The following ATAD1 variants were observed in gnomAD, a reference collection of about 807,000 sequenced individuals.
ATAD1 encodes the protein ATPase family AAA domain containing 1.
In ATAD1, 18 loss-of-function variants were observed where a neutral mutation model predicts 42.7. That is an observed-to-expected ratio of 0.42 (90% confidence interval 0.29 to 0.63). The LOEUF is 0.63. Ranked by LOEUF, ATAD1 falls within the 20% of genes least tolerant of loss-of-function variation. The pLI, the probability that ATAD1 is intolerant of heterozygous loss-of-function variation, is 0.19. For missense variants in ATAD1, 294 were observed against 440.4 expected (o/e 0.67, Z 2.98); for synonymous variants, 132 against 143.1 (o/e 0.92, Z 0.55).
chr10:87,782,693 A>G (rs1373739581), intron 5 of ATAD1, among the ~76,000 whole-genome samples: 1 of 152,212 alleles, frequency 6.6e-6, no homozygotes, highest in East Asian at 1.9e-4. Context: ...AGACTGGTAA[A>G]TTAAAAGCAA....
chr10:87,798,201 C>T (rs182947067), intron 2 of ATAD1, among the ~76,000 whole-genome samples: 61 of 152,316 alleles, frequency 4.0e-4, no homozygotes, highest in African/African-American at 1.3e-3. Flanking sequence ...TGGTGACACA[C>T]TGTGGAGTCC....
intron 1 of ATAD1, among the ~76,000 whole-genome samples, chr10:87,827,905 TCAGA>T (rs1857758108): frequency 6.6e-6 from 1 of 152,122 alleles, no homozygotes; most frequent in African/African-American, 2.4e-5. Flanking sequence ...GCCTCTTGAG[TCAGA>T]CAATTAGCCA....
chr10:87,768,537 T>G (rs1854875112), intron 7 of ATAD1, among the ~76,000 whole-genome samples: 1 of 152,202 alleles, frequency 6.6e-6, no homozygotes, highest in Non-Finnish European at 1.5e-5. Flanking sequence ...GAGAAAAGTT[T>G]TAAGATTAAC....
intron 2 of ATAD1, among the ~76,000 whole-genome samples, chr10:87,796,374 A>ACTGC (rs1178069484): frequency 4.6e-5 from 7 of 152,204 alleles, no homozygotes; most frequent in Non-Finnish European, 7.3e-5. Context: ...TGTATATCTT[A>ACTGC]CTGCCTCCTT....
chr10:87,819,279 AAAAAAAAAAAAAC>A (rs1857574677), upstream of ATAD1: 2 of 150,088 alleles, frequency 1.3e-5, no homozygotes, highest in African/African-American at 4.9e-5. Flanking sequence ...AAAAAAAAAA[AAAAAAAAAAAAAC>A]CACCTAAAAA....
At chr10:87,796,994 C>G (rs1856423718) in intron 2 of ATAD1, among the ~76,000 whole-genome samples, 1 of 152,146 alleles carries the variant, frequency 6.6e-6, no homozygotes, top group Non-Finnish European at 1.5e-5. Context: ...AGAGTTTGAG[C>G]TCACTCCTAG....
At chr10:87,780,022 T>C (rs371591015) in intron 5 of ATAD1, among the ~76,000 whole-genome samples, 108 of 152,330 alleles carry the variant, frequency 7.1e-4, no homozygotes, top group African/African-American at 2.5e-3. Context: ...AACCTACACA[T>C]GATGCTGTCA....
In ATAD1 at chr10:87,753,169, A is replaced by T. The variant is rs1564734272; in HGVS notation, c.*1518T>A. On this transcript the variant is annotated 3_prime_UTR_variant, in exon 10 of 10. Transcript: ENST00000680024. ...TATAAAATAATAGAATATAGTTATTAAAAATGGGACACTTTTTTTCATTTT... is the reference window on the plus strand; with the variant it reads ...TATAAAATAATAGAATATAGTTATTTAAAATGGGACACTTTTTTTCATTTT... The T allele has an allele frequency of 6.6e-6, 1 of 152,162 alleles. No homozygotes were observed. Among genetic ancestry groups the T allele is most frequent in the Non-Finnish European group, 1.5e-5 (1 of 68,000 alleles). 9.4% of individuals were successfully genotyped at this position (152,162 alleles called of 1,614,324 possible).
At chr10:87,834,657 T>G (rs1857898433) in intron 1 of ATAD1, among the ~76,000 whole-genome samples, 1 of 152,108 alleles carries the variant, frequency 6.6e-6, no homozygotes, top group African/African-American at 2.4e-5. Context: ...AAATTGTGTC[T>G]TTTCTTCGTA....
chr10:87,778,157 G>A (rs1474632960), intron 5 of ATAD1, among the ~76,000 whole-genome samples: 1 of 119,102 alleles, frequency 8.4e-6, no homozygotes, highest in Admixed American at 9.8e-5. Flanking sequence ...CCAAATACAT[G>A]ACTAAGATAT....
At chr10:87,795,091 T>C (rs909195536) in intron 2 of ATAD1, among the ~76,000 whole-genome samples, 1 of 152,170 alleles carries the variant, frequency 6.6e-6, no homozygotes, top group Admixed American at 6.5e-5. Context: ...ATGAGGAATT[T>C]ACAGGTCAGA....
chr10:87,772,619 T>C (rs771396523), intron 6 of ATAD1, among the ~76,000 whole-genome samples: 14 of 151,914 alleles, frequency 9.2e-5, no homozygotes, highest in East Asian at 1.9e-4. Context: ...TGAAGAAACA[T>C]AGGACAAAGC....
rs1387089116 is a variant in ATAD1 at position 87,771,117 on chromosome 10, GT to G, written c.691-77del. ...CTGAGAATGTTATTACTAGGGCTTA[GT>G]TTTAAAAATTAAGTGGTATTTTAAC... On this transcript the variant is annotated intron_variant, in intron 6 of 9. Coordinates refer to ENST00000680024, the MANE Select transcript of ATAD1 (RefSeq NM_001321967.2). The G allele has an allele frequency of 2.7e-6, 3 of 1,121,466 alleles. No homozygotes were observed. The African/African-American group carries it at 4.7e-5, about 18-fold the overall frequency. 69.5% of individuals were successfully genotyped at this position (1,121,466 alleles called of 1,614,324 possible). A position where few individuals can be genotyped will look rare whatever the true frequency, so the allele number is the denominator to read the frequency against.
At chr10:87,838,314 GTCAGGAGT>G (rs1057228839) in intron 1 of ATAD1, among the ~76,000 whole-genome samples, 3 of 151,982 alleles carry the variant, frequency 2.0e-5, no homozygotes, top group Non-Finnish European at 4.4e-5. Flanking sequence ...ATCACCTGAG[GTCAGGAGT>G]TCAAGACCAG....
intron 1 of ATAD1, among the ~76,000 whole-genome samples, chr10:87,825,047 T>C (rs1857700035): frequency 6.6e-6 from 1 of 152,230 alleles, no homozygotes; most frequent in African/African-American, 2.4e-5. Context: ...TTATTGAGTA[T>C]ACATTCTTTG....
intron 6 of ATAD1, among the ~76,000 whole-genome samples, chr10:87,773,194 ATTTT>A (rs1045784339): frequency 4.6e-5 from 7 of 152,150 alleles, no homozygotes; most frequent in Admixed American, 6.5e-5. Flanking sequence ...ACAAAACATA[ATTTT>A]TTTATCATTT....
chr10:87,791,244 A>C (rs947493544), intron 3 of ATAD1, among the ~76,000 whole-genome samples: 1 of 151,662 alleles, frequency 6.6e-6, no homozygotes. Flanking sequence ...TTAAAACTTA[A>C]GGAAGTATCT....
At chr10:87,776,008 G>A (rs961883002) in intron 6 of ATAD1, among the ~76,000 whole-genome samples, 2 of 152,068 alleles carry the variant, frequency 1.3e-5, no homozygotes, top group African/African-American at 2.4e-5. Flanking sequence ...CAATACCCAC[G>A]GACACTAGTC....
At chr10:87,835,516 T>C (rs1857914409) in intron 1 of ATAD1, among the ~76,000 whole-genome samples, 1 of 152,196 alleles carries the variant, frequency 6.6e-6, no homozygotes, top group African/African-American at 2.4e-5. Context: ...TATATTTTTC[T>C]ATTTTTAACA....
Sources: allele counts gnomAD v4.1 joint callset (sites outside exome capture counted in the v4.1 genomes callset), GRCh38; gene constraint gnomAD v4.1.1; transcripts MANE v1.5; gene names NCBI Gene and HGNC (gene_info 2026-07-23, HGNC 2026-07-21).